ZFAT: variants seen among roughly 807,000 people sequenced by gnomAD.
The protein encoded by ZFAT is zinc finger protein ZFAT.
Under a neutral mutation model 117.7 loss-of-function variants are expected in ZFAT, and 64 were observed. That is an observed-to-expected ratio of 0.54 (90% confidence interval 0.44 to 0.67). The LOEUF (loss-of-function observed/expected upper bound fraction) is 0.67, where lower values mean the gene tolerates loss of function less well. Among genes scored for constraint, ZFAT ranks in the 30% least tolerant of loss-of-function variants. The pLI is 0.00. For missense variants in ZFAT, 1,433 were observed against 1,584.5 expected (o/e 0.90, Z 1.62); for synonymous variants, 679 against 615.0 (o/e 1.10, Z -1.54).
At chr8:134,739,899 T>A in the ZFAT span, among the ~76,000 whole-genome samples, 3 of 152,198 alleles carry the variant, frequency 2.0e-5, no homozygotes, top group African/African-American at 7.2e-5. Context: ...TGAGAAGGAA[T>A]TAATGTCCTC....
At chr8:134,817,394 TAC>T in the ZFAT span, among the ~76,000 whole-genome samples, 11,742 of 125,716 alleles carry the variant, frequency 0.093, 496 homozygotes, top group Non-Finnish European at 0.11. Flanking sequence ...TCTCTCTCTC[TAC>T]ACACACACAC....
chr8:134,609,867 A>G (rs1426007414), intron 4 of ZFAT, among the ~76,000 whole-genome samples: 2 of 152,326 alleles, frequency 1.3e-5, no homozygotes, highest in Non-Finnish European at 2.9e-5. Flanking sequence ...AAATACAAAA[A>G]AAGATCAGAG....
At chr8:134,553,445 G>A (rs898987223) in intron 11 of ZFAT, among the ~76,000 whole-genome samples, 27 of 152,310 alleles carry the variant, frequency 1.8e-4, no homozygotes, top group African/African-American at 6.3e-4. Context: ...AGAAGTTTCA[G>A]CGAGCCGAGA....
intron 1 of ZFAT, among the ~76,000 whole-genome samples, chr8:134,712,132 C>T (rs1814024357): frequency 6.6e-6 from 1 of 152,198 alleles, no homozygotes; most frequent in African/African-American, 2.4e-5. Context: ...GGCGAGCACG[C>T]AGGAGTTTGG....
chr8:134,583,739 C>A, intron 10 of ZFAT, 93 bp downstream of exon 10: 1 of 1,472,578 alleles, frequency 6.8e-7, no homozygotes, highest in Non-Finnish European at 9.2e-7. Flanking sequence ...GTGCTCTTTC[C>A]TGCCTCTGGT....
chr8:134,529,242 T>G lies in ZFAT; in HGVS notation c.3115+3592A>C, dbSNP rs1318081668. Reference sequence around the variant, plus strand: ...CTGGAAAGCCCACTAAACCCCATCCTCACCCTGCTACATGCTCTAGGAGTG... The same window carrying G: ...CTGGAAAGCCCACTAAACCCCATCCGCACCCTGCTACATGCTCTAGGAGTG... On this transcript the variant is annotated intron_variant, in intron 12 of 15. Transcript: ENST00000377838. 3.3e-5 allele frequency among the ~76,000 whole-genome samples: 5 copies of G among 152,262 alleles called. No homozygotes were observed. In the East Asian group the frequency reaches 9.7e-4, roughly 29 times the overall value.
intron 15 of ZFAT, among the ~76,000 whole-genome samples, chr8:134,490,032 C>T (rs114357898): frequency 0.016 from 2,363 of 152,280 alleles, 58 homozygotes; most frequent in African/African-American, 0.053. Flanking sequence ...CAGACCAGAG[C>T]GCCCCAGTCC....
chr8:134,798,885 TG>T, the ZFAT span, among the ~76,000 whole-genome samples: 1 of 152,130 alleles, frequency 6.6e-6, no homozygotes, highest in African/African-American at 2.4e-5. Flanking sequence ...AACAAATTGA[TG>T]GGCAATTCCC....
intron 1 of ZFAT, among the ~76,000 whole-genome samples, chr8:134,711,432 C>T (rs779235785): frequency 1.4e-4 from 21 of 152,154 alleles, no homozygotes; most frequent in African/African-American, 4.8e-5. Context: ...CTCTCCGGTG[C>T]TCATTTTAGG....
At chr8:134,493,130 C>T (rs1818171497) in intron 15 of ZFAT, among the ~76,000 whole-genome samples, 1 of 152,186 alleles carries the variant, frequency 6.6e-6, no homozygotes, top group African/African-American at 2.4e-5. Flanking sequence ...CAGTGCAAAG[C>T]CTAAGCTGTA....
chr8:134,522,120 C>T (rs1181536974), intron 12 of ZFAT, among the ~76,000 whole-genome samples: 1 of 152,270 alleles, frequency 6.6e-6, no homozygotes, highest in Non-Finnish European at 1.5e-5. Flanking sequence ...TCTTTGACCA[C>T]ACTCTCCGCT....
intron 3 of ZFAT, among the ~76,000 whole-genome samples, chr8:134,620,877 G>A (rs1829063518): frequency 6.6e-6 from 1 of 152,110 alleles, no homozygotes; most frequent in South Asian, 2.1e-4. Context: ...ACCGAAGGGA[G>A]CCCCAGGGGT....
At chr8:134,729,345 T>C in the ZFAT span, among the ~76,000 whole-genome samples, 1 of 152,236 alleles carries the variant, frequency 6.6e-6, no homozygotes, top group African/African-American at 2.4e-5. Context: ...TTTTGTTTTG[T>C]TTTTGAGACG....
the ZFAT span, chr8:134,784,913 G>C: frequency 6.6e-6 from 1 of 151,920 alleles, no homozygotes; most frequent in Non-Finnish European, 1.5e-5. Flanking sequence ...TTTGAAAAAA[G>C]CAATTCAGTC....
intron 11 of ZFAT, among the ~76,000 whole-genome samples, chr8:134,556,995 A>C (rs1171806526): frequency 2.6e-5 from 4 of 152,002 alleles, no homozygotes; most frequent in African/African-American, 9.7e-5. Context: ...ATATTTTATA[A>C]ATATTTACTG....
At chr8:134,779,711 G>A in the ZFAT span, among the ~76,000 whole-genome samples, 1 of 152,046 alleles carries the variant, frequency 6.6e-6, no homozygotes, top group Non-Finnish European at 1.5e-5. Flanking sequence ...TAGAAAAAAA[G>A]CCTTTAAAAC....
intron 10 of ZFAT, among the ~76,000 whole-genome samples, chr8:134,574,151 G>T (rs1410409107): frequency 1.3e-5 from 2 of 152,214 alleles, no homozygotes; most frequent in South Asian, 4.1e-4. Context: ...ATGTCAATGT[G>T]GTAGGTGGGG....
intron 2 of ZFAT, among the ~76,000 whole-genome samples, chr8:134,655,459 G>C (rs1281424911): frequency 6.6e-6 from 1 of 152,136 alleles, no homozygotes; most frequent in Non-Finnish European, 1.5e-5. Flanking sequence ...ACCAGCCTGA[G>C]CAACATAGTG....
At chr8:134,668,838 G>A (rs1832397870) in intron 1 of ZFAT, among the ~76,000 whole-genome samples, 1 of 152,150 alleles carries the variant, frequency 6.6e-6, no homozygotes. Flanking sequence ...CCATCACAAA[G>A]AAGCTAAAAA....
Sources: allele counts gnomAD v4.1 joint callset (sites outside exome capture counted in the v4.1 genomes callset), GRCh38; gene constraint gnomAD v4.1.1; transcripts MANE v1.5; gene names NCBI Gene and HGNC (gene_info 2026-07-23, HGNC 2026-07-21).